Variants in DISC1 observed in about 807,000 individuals in gnomAD.
DISC1 encodes disrupted in schizophrenia 1 protein.
Under a neutral mutation model 84.5 loss-of-function variants are expected in DISC1, and 57 were observed. That is an observed-to-expected ratio of 0.67 (90% CI 0.55 to 0.84). DISC1 has a LOEUF of 0.84. Ranked by LOEUF, DISC1 falls within the 40% of genes least tolerant of loss-of-function variation. DISC1 has a pLI of 0.00. For synonymous variants in DISC1, 411 were observed against 415.2 expected (o/e 0.99, Z 0.12); for missense variants, 1,000 against 1,057.8 (o/e 0.95, Z 0.76).
intron 3 of DISC1, chr1:231,722,836 G>T (rs756240993): frequency 2.9e-5 from 41 of 1,426,708 alleles, no homozygotes; most frequent in Non-Finnish European, 3.6e-5. Context: ...CCACTGTACC[G>T]TTTCTCCCAT....
rs73096829 is a variant in DISC1 at position 231,912,979 on chromosome 1, C to T, written c.1982-45849C>T. On this transcript the variant is annotated intron_variant, in intron 9 of 12. Coordinates refer to ENST00000439617, the MANE Select transcript of DISC1 (RefSeq NM_018662.3). ...CTTGAGTGCAGTGGTTCCATCTTGG[C>T]TTACTGCAGCCTCCACCTCCCAGGC... 2.3e-3 allele frequency among the ~76,000 whole-genome samples: 354 copies of T among 151,456 alleles called. 2 individuals carry two copies. The highest frequency in any genetic ancestry group is 8.2e-3 in the African/African-American group (337 of 41,180).
At chr1:232,026,648 A>T in intron 12 of DISC1, 96 bp downstream of exon 12, 1 of 808,176 alleles carries the variant, frequency 1.2e-6, no homozygotes, top group Non-Finnish European at 2.1e-6. Flanking sequence ...GATGGCAACA[A>T]ATAGATGCTG....
intron 3 of DISC1, among the ~76,000 whole-genome samples, chr1:231,706,865 C>CTT (rs2067153329): frequency 6.6e-6 from 1 of 152,162 alleles, no homozygotes; most frequent in South Asian, 2.1e-4. Context: ...CTCAGTTTCT[C>CTT]GTCACTGATG....
intron 9 of DISC1, among the ~76,000 whole-genome samples, chr1:231,834,344 T>C (rs2082470901): frequency 1.3e-5 from 2 of 151,872 alleles, no homozygotes; most frequent in African/African-American, 4.8e-5. Context: ...TTAGCGACGC[T>C]TGGGGTTGGG....
At chr1:232,027,884 G>A (rs1312953235) in intron 12 of DISC1, among the ~76,000 whole-genome samples, 1 of 151,698 alleles carries the variant, frequency 6.6e-6, no homozygotes, top group East Asian at 1.9e-4. Flanking sequence ...ACTCAGATCT[G>A]TGATTTAATG....
At chr1:231,692,489 A>G (rs952165471) in intron 1 of DISC1, among the ~76,000 whole-genome samples, 32 of 152,236 alleles carry the variant, frequency 2.1e-4, no homozygotes, top group African/African-American at 7.5e-4. Context: ...AGGAGATGGC[A>G]TGTGCCATGA....
At chr1:232,008,627 C>T (rs572501381) in intron 10 of DISC1, among the ~76,000 whole-genome samples, 158 bp from the exon 11 acceptor site, 3 of 152,336 alleles carry the variant, frequency 2.0e-5, no homozygotes, top group South Asian at 2.1e-4. Context: ...TTTGGTCCCT[C>T]TGATGAATCT....
chr1:231,899,372 G>C (rs2087969498), intron 9 of DISC1, among the ~76,000 whole-genome samples: 1 of 152,164 alleles, frequency 6.6e-6, no homozygotes, highest in Non-Finnish European at 1.5e-5. Context: ...CTGGTCTGGG[G>C]ACCACATTCT....
intron 9 of DISC1, among the ~76,000 whole-genome samples, chr1:231,829,176 T>C (rs568550049): frequency 7.9e-5 from 12 of 152,314 alleles, no homozygotes; most frequent in Admixed American, 5.9e-4. Flanking sequence ...AATGCAGTCA[T>C]TTTTATGGCT....
chr1:231,669,300 A>G (rs2125441210), intron 1 of DISC1, among the ~76,000 whole-genome samples: 1 of 152,360 alleles, frequency 6.6e-6, no homozygotes. Flanking sequence ...AATACCATTC[A>G]GGACATAGAC....
rs187531211 is a variant in DISC1, at chr1:231,829,684, G to C, written c.1981+11167G>C. 6.9e-4 allele frequency among the ~76,000 whole-genome samples: 105 copies of C among 152,224 alleles called. 1 individual carries two copies. Among genetic ancestry groups the C allele is most frequent in the African/African-American group, 2.4e-3 (98 of 41,518 alleles). ...TTCATTGTGTGTTTCACTCACGTCC[G>C]TGTGAAGAGACACCAAACAGGCTTT... On this transcript the variant is annotated intron_variant, in intron 9 of 12. Transcript: ENST00000439617.
chr1:231,743,844 G>A (rs1422416336), intron 3 of DISC1, among the ~76,000 whole-genome samples: 1 of 152,144 alleles, frequency 6.6e-6, no homozygotes, highest in African/African-American at 2.4e-5. Context: ...CAATGCATAT[G>A]ACAAGTTTAT....
chr1:231,945,589 C>T (rs759806470), intron 9 of DISC1, among the ~76,000 whole-genome samples: 1 of 151,660 alleles, frequency 6.6e-6, no homozygotes, highest in African/African-American at 2.4e-5. Context: ...AAAATCTAGC[C>T]GAAGACAAGA....
chr1:231,794,084 CCTAA>C (rs1447971501), intron 6 of DISC1, among the ~76,000 whole-genome samples: 1 of 152,152 alleles, frequency 6.6e-6, no homozygotes, highest in Non-Finnish European at 1.5e-5. Context: ...ACGCCCGGCC[CCTAA>C]CTAACTAAAT....
At chr1:231,733,416 G>A (rs987189092) in intron 3 of DISC1, among the ~76,000 whole-genome samples, 4 of 150,390 alleles carry the variant, frequency 2.7e-5, no homozygotes, top group Non-Finnish European at 4.5e-5. Flanking sequence ...CTGTAGAAGT[G>A]GTGGTGGTTG....
At chr1:231,979,279 A>C (rs554695643) in intron 10 of DISC1, among the ~76,000 whole-genome samples, 7 of 152,120 alleles carry the variant, frequency 4.6e-5, no homozygotes, top group Admixed American at 2.0e-4. Context: ...AATAAAATGC[A>C]CAATAAATGT....
intron 9 of DISC1, among the ~76,000 whole-genome samples, chr1:231,941,246 TAA>T (rs2091321985): frequency 6.6e-6 from 1 of 152,164 alleles, no homozygotes; most frequent in African/African-American, 2.4e-5. Context: ...CTTGGACATA[TAA>T]GACACCAGTG....
intron 1 of DISC1, among the ~76,000 whole-genome samples, chr1:231,640,222 C>T (rs1175441522): frequency 6.6e-6 from 1 of 152,188 alleles, no homozygotes; most frequent in Non-Finnish European, 1.5e-5. Context: ...CCTCCACTTC[C>T]AGTTCTTAGC....
chr1:231,835,818 TA>T (rs1355118403), intron 9 of DISC1, among the ~76,000 whole-genome samples: 12 of 152,310 alleles, frequency 7.9e-5, no homozygotes, highest in Admixed American at 5.9e-4. Flanking sequence ...GAACAAAGTA[TA>T]AAAAATAATA....
Sources: allele counts gnomAD v4.1 joint callset (sites outside exome capture counted in the v4.1 genomes callset), GRCh38; gene constraint gnomAD v4.1.1; transcripts MANE v1.5; gene names NCBI Gene and HGNC (gene_info 2026-07-23, HGNC 2026-07-21).